The following MINPP1 variants were observed in gnomAD, a reference collection of about 807,000 sequenced individuals.
MINPP1 encodes the protein multiple inositol polyphosphate phosphatase 1.
Under a neutral mutation model 46.1 loss-of-function variants are expected in MINPP1, and 28 were observed. That is an observed-to-expected ratio of 0.61 (90% CI 0.45 to 0.83). The LOEUF is 0.83. MINPP1 is among the 40% of genes least tolerant of loss of function. The pLI, the probability that MINPP1 is intolerant of heterozygous loss-of-function variation, is 0.00. For synonymous variants in MINPP1, 268 were observed against 249.1 expected (o/e 1.08, Z -0.72); for missense variants, 603 against 610.0 (o/e 0.99, Z 0.12).
At position 87,513,210 on chromosome 10, in the gene MINPP1, G is replaced by A. The variant is rs757976821; in HGVS notation, c.922G>A (p.Asp308Asn). Residue 308 changes from aspartate to asparagine, a missense_variant, in exon 3 of 5, where the codon GAT (aspartate) becomes AAT (asparagine). Physicochemically the swap from Asp to Asn is conservative, Grantham distance 23. Around this residue, in one of 3 missense-constraint regions of MINPP1, gnomAD observed 344 missense variants for 381.1 expected, o/e 0.90. Coordinates refer to ENST00000371996, the MANE Select transcript of MINPP1 (RefSeq NM_004897.5). Reference protein sequence around the residue: ...KSPWCDVFDIDDAKVLEYLND... With the variant: ...KSPWCDVFDINDAKVLEYLND... ...TCCTTGGTGTGATGTTTTTGACATA[G>A]ATGATGCAAAGGTAAGTATTATTTT... The A allele has an allele frequency of 1.4e-5, 23 of 1,612,266 alleles. No individual in the cohort carries two copies. The highest frequency in any genetic ancestry group is 1.4e-5 in the Non-Finnish European group (17 of 1,178,580).
chr10:87,528,617 C>G lies in MINPP1; in HGVS notation c.1067+7448C>G, dbSNP rs1851612296. ...ATTCTTTTACATTTGCTGAGGAGTG[C>G]TTTACTTCCAACTATGTGGTCAATT... On this transcript the variant is annotated intron_variant, in intron 4 of 4. Transcript: ENST00000371996. Among the ~76,000 whole-genome samples the G allele has an allele frequency of 2.0e-5, 3 of 152,238 alleles. No homozygotes were observed. The South Asian group carries it at 6.2e-4, about 32-fold the overall frequency.
chr10:87,530,614 T>C (rs1232188226), intron 4 of MINPP1, among the ~76,000 whole-genome samples: 2 of 152,176 alleles, frequency 1.3e-5, no homozygotes, highest in Non-Finnish European at 2.9e-5. Flanking sequence ...CGGCCCCTAC[T>C]GGGAGGTGCC....
chr10:87,547,145 T>G (rs1851898606), intron 4 of MINPP1, among the ~76,000 whole-genome samples: 1 of 152,158 alleles, frequency 6.6e-6, no homozygotes. Flanking sequence ...AGATTCTTGC[T>G]CTGTCACCCG....
chr10:87,513,960 A>G (rs1287466901), intron 3 of MINPP1, among the ~76,000 whole-genome samples: 1 of 152,060 alleles, frequency 6.6e-6, no homozygotes, highest in African/African-American at 2.4e-5. Flanking sequence ...GGCTGCTTGC[A>G]TTTCCTATCA....
At chr10:87,509,683 G>C (rs1851307559) in intron 2 of MINPP1, 1 of 298,696 alleles carries the variant, frequency 3.3e-6, no homozygotes, top group African/African-American at 2.2e-5. Context: ...TCCCATGCCA[G>C]TTTTATACAT....
intron 4 of MINPP1, among the ~76,000 whole-genome samples, chr10:87,551,088 A>G (rs1851956373): frequency 6.6e-6 from 1 of 151,910 alleles, no homozygotes; most frequent in Non-Finnish European, 1.5e-5. Context: ...TTGAGGTTGG[A>G]TGCTACTTGG....
Position 87,552,779 on chromosome 10 carries a change from T to C in MINPP1, c.*301T>C. ...GAAATCTCACACTGAGATAGAATTG[T>C]GATTTCATAATAACACTTGAAAAGT... On this transcript the variant is annotated 3_prime_UTR_variant, in exon 5 of 5. Coordinates refer to ENST00000371996, the MANE Select transcript of MINPP1 (RefSeq NM_004897.5). 7.9e-6 allele frequency: 3 copies of C among 379,970 alleles called. 1 individual carries two copies. In the Admixed American group the frequency reaches 1.3e-4, roughly 16 times the overall value. 23.5% of individuals were successfully genotyped at this position (379,970 alleles called of 1,614,324 possible). A position where few individuals can be genotyped will look rare whatever the true frequency, so the allele number is the denominator to read the frequency against.
intron 4 of MINPP1, among the ~76,000 whole-genome samples, chr10:87,540,351 A>G (rs1851796079): frequency 1.3e-5 from 2 of 152,222 alleles, no homozygotes; most frequent in South Asian, 4.1e-4. Context: ...GAAGAGCATA[A>G]TTATGAGTAT....
At chr10:87,535,359 T>C (rs1851718966) in intron 4 of MINPP1, among the ~76,000 whole-genome samples, 1 of 152,236 alleles carries the variant, frequency 6.6e-6, no homozygotes, top group African/African-American at 2.4e-5. Flanking sequence ...AAAGACACAT[T>C]TATCTTTTAC....
intron 4 of MINPP1, among the ~76,000 whole-genome samples, chr10:87,543,136 G>A (rs1851840025): frequency 1.3e-5 from 2 of 152,126 alleles, no homozygotes; most frequent in Admixed American, 1.3e-4. Context: ...GTGCCCTAGG[G>A]ATACCCTCAT....
At chr10:87,537,759 G>A (rs957728694) in intron 4 of MINPP1, among the ~76,000 whole-genome samples, 2 of 151,634 alleles carry the variant, frequency 1.3e-5, no homozygotes, top group Non-Finnish European at 2.9e-5. Flanking sequence ...GTTTTTTTGT[G>A]TTAGCTTTGG....
chr10:87,516,920 A>G (rs983576191), intron 3 of MINPP1, among the ~76,000 whole-genome samples: 1 of 152,092 alleles, frequency 6.6e-6, no homozygotes, highest in Non-Finnish European at 1.5e-5. Flanking sequence ...GAACTTTATA[A>G]TGATGGAATT....
chr10:87,506,830 AG>A (rs1317128325), intron 1 of MINPP1, among the ~76,000 whole-genome samples: 38 of 152,320 alleles, frequency 2.5e-4, no homozygotes, highest in African/African-American at 8.4e-4. Context: ...ACCATCTGTA[AG>A]GGATTTCTCC....
Position 87,508,522 on chromosome 10 carries a change from A to T in MINPP1, c.824A>T (p.Asp275Val). ...VAATLQVPVN[D>V]LNADLIQVAF... ...GCTACTTTGCAAGTGCCAGTAAATG[A>T]TTTAAATGCAGGTAATATGTCTGTT... is the stretch of plus-strand genomic sequence containing the variant. The change falls in exon 2 of 5, where the codon GAT becomes GTT. Residue 275 changes from aspartate to valine, a missense_variant. Asp to Val is a radical substitution (Grantham distance 152). Transcript: ENST00000371996. The T allele has an allele frequency of 6.2e-7, 1 of 1,612,358 alleles. No homozygotes were observed. The highest frequency in any genetic ancestry group is 1.3e-5 in the African/African-American group (1 of 75,010).
At chr10:87,506,035 T>A (rs1362714970) in intron 1 of MINPP1, among the ~76,000 whole-genome samples, 4 of 149,646 alleles carry the variant, frequency 2.7e-5, no homozygotes, top group Admixed American at 6.6e-5. Flanking sequence ...TTTTTTTTTT[T>A]AAACTCATCA....
chr10:87,517,939 G>A (rs1564674345), intron 3 of MINPP1, among the ~76,000 whole-genome samples: 1 of 151,746 alleles, frequency 6.6e-6, no homozygotes, highest in African/African-American at 2.4e-5. Flanking sequence ...TGGGATTACA[G>A]GTGTGAGCCA....
intron 2 of MINPP1, 78 bp from the exon 3 acceptor site, chr10:87,513,046 G>A: frequency 5.2e-6 from 5 of 960,280 alleles, no homozygotes; most frequent in South Asian, 3.9e-5. Flanking sequence ...TACCACACAT[G>A]GCATTCTACA....
At chr10:87,547,021 GT>G (rs1299128644) in intron 4 of MINPP1, among the ~76,000 whole-genome samples, 1 of 152,162 alleles carries the variant, frequency 6.6e-6, no homozygotes, top group African/African-American at 2.4e-5. Context: ...GCTGAAGAGT[GT>G]TACTAAGCAC....
chr10:87,533,114 T>G (rs1851682684), intron 4 of MINPP1, among the ~76,000 whole-genome samples: 1 of 152,144 alleles, frequency 6.6e-6, no homozygotes, highest in South Asian at 2.1e-4. Context: ...CTATTTTTGC[T>G]TTCTCCATCC....
Sources: allele counts gnomAD v4.1 joint callset (sites outside exome capture counted in the v4.1 genomes callset), GRCh38; gene constraint gnomAD v4.1.1; regional missense constraint gnomAD v4.1.1; transcripts MANE v1.5; gene names NCBI Gene and HGNC (gene_info 2026-07-23, HGNC 2026-07-21).